ASIC2: variants seen among roughly 807,000 people sequenced by gnomAD.
ASIC2 encodes the protein acid-sensing ion channel 2.
Under a neutral mutation model 57.3 loss-of-function variants are expected in ASIC2, and 25 were observed. That is an observed-to-expected ratio of 0.44 (90% CI 0.32 to 0.61). ASIC2 has a LOEUF of 0.61. Among genes scored for constraint, ASIC2 ranks in the 20% least tolerant of loss-of-function variants. The probability of loss-of-function intolerance (pLI) is 0.06; values close to 1 mark genes in which losing one functional copy is unlikely to be tolerated. For missense variants in ASIC2, 641 were observed against 738.1 expected (o/e 0.87, Z 1.52); for synonymous variants, 319 against 307.5 (o/e 1.04, Z -0.39).
At chr17:34,014,483 G>A (rs1906874586) in intron 1 of ASIC2, among the ~76,000 whole-genome samples, 1 of 152,184 alleles carries the variant, frequency 6.6e-6, no homozygotes, top group Admixed American at 6.5e-5. Flanking sequence ...TGCAGGGAGT[G>A]GGTAAAGTAA....
chr17:33,237,502 C>T (rs1475784046), intron 1 of ASIC2, among the ~76,000 whole-genome samples: 1 of 152,120 alleles, frequency 6.6e-6, no homozygotes, highest in East Asian at 1.9e-4. Flanking sequence ...AGGCATACAC[C>T]ACAACACTCA....
chr17:33,396,460 T>G (rs1289298171), intron 1 of ASIC2, among the ~76,000 whole-genome samples: 1 of 152,202 alleles, frequency 6.6e-6, no homozygotes, highest in Non-Finnish European at 1.5e-5. Context: ...ATTATTTCCT[T>G]TATTTTACCG....
At chr17:33,462,268 C>T (rs1435327806) in intron 1 of ASIC2, among the ~76,000 whole-genome samples, 1 of 152,128 alleles carries the variant, frequency 6.6e-6, no homozygotes, top group Non-Finnish European at 1.5e-5. Flanking sequence ...TTAGCTGGGC[C>T]CAGTGACCAA....
intron 1 of ASIC2, among the ~76,000 whole-genome samples, chr17:33,557,060 G>A (rs1915929190): frequency 6.6e-6 from 1 of 152,146 alleles, no homozygotes; most frequent in South Asian, 2.1e-4. Context: ...ACATTAGCTA[G>A]TATTTGTGGA....
chr17:33,279,958 G>A (rs767781517), intron 1 of ASIC2, among the ~76,000 whole-genome samples: 5 of 152,052 alleles, frequency 3.3e-5, no homozygotes, highest in African/African-American at 9.7e-5. Context: ...TCCCTCTCCC[G>A]TGTCCCACTT....
At chr17:34,022,653 C>CA (rs376316962) in intron 1 of ASIC2, among the ~76,000 whole-genome samples, 1 of 140,938 alleles carries the variant, frequency 7.1e-6, no homozygotes, top group African/African-American at 2.7e-5. Flanking sequence ...AAAAAAAAAA[C>CA]AAAAAAACAG....
intron 1 of ASIC2, among the ~76,000 whole-genome samples, chr17:33,637,230 C>T (rs1416458890): frequency 2.6e-5 from 4 of 152,060 alleles, no homozygotes; most frequent in Non-Finnish European, 5.9e-5. Context: ...GATTGTTTCT[C>T]CCTACCTGCC....
In ASIC2 at chr17:33,891,452, A is replaced by G. The variant is rs74468648; in HGVS notation, c.555+264526T>C. 4.2e-4 allele frequency among the ~76,000 whole-genome samples: 64 copies of G among 152,320 alleles called. No individual in the cohort carries two copies. In the East Asian group the frequency reaches 0.011, roughly 26 times the overall value. On this transcript the variant is annotated intron_variant, in intron 1 of 9. Coordinates refer to the ASIC2 transcript ENST00000359872. ...TCGGCCTACTATAAGAAAAGATGCT[A>G]TAATGAACCTGTCTTCTGAATATAC...
intron 1 of ASIC2, among the ~76,000 whole-genome samples, chr17:33,345,752 C>A (rs886348127): frequency 3.9e-5 from 6 of 152,134 alleles, no homozygotes; most frequent in Non-Finnish European, 7.4e-5. Flanking sequence ...CCAAGGGCAA[C>A]AGGTAGGTTT....
chr17:33,363,534 C>T (rs1908690355), intron 1 of ASIC2, among the ~76,000 whole-genome samples: 1 of 152,236 alleles, frequency 6.6e-6, no homozygotes, highest in Non-Finnish European at 1.5e-5. Context: ...GGAAGGACAA[C>T]AACAGCTGGA....
chr17:33,181,934 G>C (rs148964531), intron 1 of ASIC2, among the ~76,000 whole-genome samples: 121 of 152,286 alleles, frequency 7.9e-4, no homozygotes, highest in African/African-American at 2.6e-3. Flanking sequence ...GAGTCAGAAG[G>C]TAATAGTGGC....
At chr17:33,501,123 G>A (rs911570089) in intron 1 of ASIC2, among the ~76,000 whole-genome samples, 1 of 152,164 alleles carries the variant, frequency 6.6e-6, no homozygotes, top group Non-Finnish European at 1.5e-5. Context: ...AGTCCCAGTG[G>A]GCCTTGTCTG....
intron 1 of ASIC2, among the ~76,000 whole-genome samples, chr17:33,176,601 T>C (rs531337662): frequency 6.6e-6 from 1 of 152,320 alleles, no homozygotes; most frequent in Non-Finnish European, 1.5e-5. Flanking sequence ...TGCCTTGGCC[T>C]CCCAAAGTGC....
chr17:33,864,280 T>G (rs183802377), intron 1 of ASIC2, among the ~76,000 whole-genome samples: 119 of 152,318 alleles, frequency 7.8e-4, no homozygotes, highest in Non-Finnish European at 1.5e-3. Flanking sequence ...ACTATACACA[T>G]ATTTATGGGG....
intron 1 of ASIC2, among the ~76,000 whole-genome samples, chr17:33,246,155 G>A (rs2142125830): frequency 6.6e-6 from 1 of 152,212 alleles, no homozygotes; most frequent in East Asian, 1.9e-4. Context: ...TCATGATGGA[G>A]CTAGGTCTGT....
intron 3 of ASIC2, among the ~76,000 whole-genome samples, chr17:33,067,100 G>A (rs565960504): frequency 3.9e-5 from 6 of 152,016 alleles, no homozygotes; most frequent in Non-Finnish European, 7.4e-5. Context: ...ATGGCTCTCC[G>A]GGGCACTGAC....
chr17:33,580,813 T>C (rs1904410387), intron 1 of ASIC2, among the ~76,000 whole-genome samples: 1 of 152,198 alleles, frequency 6.6e-6, no homozygotes, highest in South Asian at 2.1e-4. Flanking sequence ...TAAGTTCTTT[T>C]TATTAAATGG....
chr17:33,311,623 A>G (rs571657161), intron 1 of ASIC2, among the ~76,000 whole-genome samples: 2 of 152,226 alleles, frequency 1.3e-5, no homozygotes, highest in African/African-American at 4.8e-5. Flanking sequence ...TGGAGAGAGA[A>G]GTTCTTCTCA....
At chr17:33,464,520 C>A (rs1214141653) in intron 1 of ASIC2, among the ~76,000 whole-genome samples, 1 of 42,350 alleles carries the variant, frequency 2.4e-5, no homozygotes, top group African/African-American at 1.1e-4. Context: ...TTCTTTCTTT[C>A]TTTCTTTCTT....
Sources: allele counts gnomAD v4.1 joint callset (sites outside exome capture counted in the v4.1 genomes callset), GRCh38; gene constraint gnomAD v4.1.1; transcripts MANE v1.5; gene names NCBI Gene and HGNC (gene_info 2026-07-23, HGNC 2026-07-21).